FAT1: variants seen among roughly 807,000 people sequenced by gnomAD.
The protein encoded by FAT1 is FAT atypical cadherin 1.
FAT1 carries 171 observed loss-of-function variants against 329.8 expected under a neutral mutation model. The ratio of observed to expected loss-of-function variants is 0.52; its 90% CI spans 0.46 to 0.59. The LOEUF (loss-of-function observed/expected upper bound fraction) is 0.59, where lower values mean the gene tolerates loss of function less well. FAT1 is among the 20% of genes least tolerant of loss of function. FAT1 has a pLI of 0.00. For missense variants in FAT1, 5,672 were observed against 5,774.4 expected (o/e 0.98, Z 0.57); for synonymous variants, 2,233 against 2,228.6 (o/e 1.00, Z -0.06).
Position 186,611,756 on chromosome 4 carries a change from T to TA in FAT1, c.9482dup (p.Leu3161PhefsTer6). Reference sequence around the variant, plus strand: ...CATCAGCAGAGTCAATCAGTGAGTATAAAATCTTCCGATTTAATCCTATGA... The same window carrying TA: ...CATCAGCAGAGTCAATCAGTGAGTATAAAAATCTTCCGATTTAATCCTATGA... On this transcript the variant is annotated frameshift_variant, in exon 14 of 27. Transcript: ENST00000441802. LOFTEE classifies it high-confidence loss of function. 6.3e-7 allele frequency: 1 copy of TA among 1,575,090 alleles called. No homozygotes were observed. The highest frequency in any genetic ancestry group is 8.6e-7 in the Non-Finnish European group (1 of 1,159,412).
rs199836705 is a variant in FAT1 at position 186,707,190 on chromosome 4, C to T, written c.2638G>A (p.Ala880Thr). ...IDSVTGVVNIARPLDRELQHE... is the reference protein window; with the variant it reads ...IDSVTGVVNITRPLDRELQHE... Reference sequence around the variant, plus strand: ...TGCAGCTCTCGATCCAGAGGGCGTGCGATGTTAACAACACCCGTCACGCTG... The same window carrying T: ...TGCAGCTCTCGATCCAGAGGGCGTGTGATGTTAACAACACCCGTCACGCTG... The change falls in exon 2 of 27, where the codon GCA becomes ACA. Residue 880 changes from alanine (A) to threonine (T), a missense_variant. Transcript: ENST00000441802. The T allele has an allele frequency of 1.2e-4, 201 of 1,613,716 alleles. No individual in the cohort carries two copies. Among genetic ancestry groups the T allele is most frequent in the Middle Eastern group, 1.6e-4 (1 of 6,084 alleles).
At position 186,657,841 on chromosome 4, in the gene FAT1, C is replaced by G. The variant is rs1330654023; in HGVS notation, c.3580+5458G>C. ...CATATCAACTCCCCCAAGTTCAAAG[C>G]AATAACTTTAACTAAAAAGACTCTT... On this transcript the variant is annotated intron_variant, in intron 3 of 26. Transcript: ENST00000441802. Among the ~76,000 whole-genome samples the G allele has an allele frequency of 2.0e-5, 3 of 152,116 alleles. No individual in the cohort carries two copies. In the East Asian group the frequency reaches 5.8e-4, roughly 29 times the overall value.
intron 3 of FAT1, among the ~76,000 whole-genome samples, chr4:186,640,318 G>A (rs1298214409): frequency 6.6e-6 from 1 of 152,110 alleles, no homozygotes; most frequent in African/African-American, 2.4e-5. Context: ...CAAATAGTAA[G>A]AAAGTGGAAA....
chr4:186,608,845 G>A (rs192032903), intron 16 of FAT1, among the ~76,000 whole-genome samples: 14 of 152,116 alleles, frequency 9.2e-5, no homozygotes, highest in Admixed American at 6.5e-4. Context: ...GCAATTCCTC[G>A]CTGGAAATTC....
chr4:186,682,198 C>T (rs762136190), intron 2 of FAT1, among the ~76,000 whole-genome samples: 26 of 152,112 alleles, frequency 1.7e-4, no homozygotes, highest in Non-Finnish European at 3.2e-4. Context: ...AGATTTCTTT[C>T]AAAATATTAT....
intron 1 of FAT1, among the ~76,000 whole-genome samples, chr4:186,718,001 A>G (rs1250809279): frequency 6.6e-6 from 1 of 152,222 alleles, no homozygotes; most frequent in Non-Finnish European, 1.5e-5. Flanking sequence ...ATCTTGGCAG[A>G]GTAGCCAATA....
Position 186,588,395 on chromosome 4 carries a change from C to G in FAT1, c.*197G>C, listed in dbSNP as rs1278354928. 2 of 600,712 alleles carry G rather than the reference C, an allele frequency of 3.3e-6. No homozygotes were observed. Among genetic ancestry groups the G allele is most frequent in the African/African-American group, 3.7e-5 (2 of 54,258 alleles). 37.2% of individuals were successfully genotyped at this position (600,712 alleles called of 1,614,324 possible). A position where few individuals can be genotyped will look rare whatever the true frequency, so the allele number is the denominator to read the frequency against. On this transcript the variant is annotated 3_prime_UTR_variant, in exon 27 of 27. Transcript: ENST00000441802. ...TCCCAAAAGACGTTGGGAAATGGCA[C>G]AGCCGATGAAAACCTCACGATGACA...
intron 1 of FAT1, 97 bp from the exon 2 acceptor site, chr4:186,709,942 TACAC>T: frequency 2.6e-6 from 3 of 1,139,824 alleles, no homozygotes; most frequent in Non-Finnish European, 3.6e-6. Flanking sequence ...ATATTTTCCA[TACAC>T]ATGGAATATA....
chr4:186,617,177 G>C lies in FAT1; in HGVS notation c.8903C>G (p.Ala2968Gly), dbSNP rs1739754368. The change falls in exon 11 of 27, where the codon GCC becomes GGC. Residue 2968 changes from alanine (A) to glycine (G), a missense_variant. Ala to Gly is a moderately conservative substitution (Grantham distance 60). Transcript: ENST00000441802. ...ITGGDPLGQFAVETIQNEWKV... is the reference protein window; with the variant it reads ...ITGGDPLGQFGVETIQNEWKV... Reference sequence around the variant, plus strand: ...CCATTCATTCTGTATAGTTTCAACGGCAAACTGTCCTAAAGGATCCCCTCC... The same window carrying C: ...CCATTCATTCTGTATAGTTTCAACGCCAAACTGTCCTAAAGGATCCCCTCC... 2.5e-6 allele frequency: 4 copies of C among 1,607,598 alleles called. No homozygotes were observed. The Admixed American group carries it at 6.8e-5, about 27-fold the overall frequency.
chr4:186,678,961 T>C (rs1003016793), intron 2 of FAT1, among the ~76,000 whole-genome samples: 1 of 152,130 alleles, frequency 6.6e-6, no homozygotes, highest in Non-Finnish European at 1.5e-5. Flanking sequence ...CCATCAGTGA[T>C]AGACTAGATA....
At chr4:186,604,004 C>G (rs776663044) in intron 18 of FAT1, 27 bp from the exon 19 acceptor site, 1 of 1,549,542 alleles carries the variant, frequency 6.5e-7, no homozygotes, top group South Asian at 1.1e-5. Context: ...ATAAAATCAC[C>G]TTTGTCTATG....
chr4:186,652,758 A>C (rs1003391484), intron 3 of FAT1, among the ~76,000 whole-genome samples: 7 of 152,114 alleles, frequency 4.6e-5, no homozygotes, highest in African/African-American at 1.7e-4. Flanking sequence ...TTCCTATTGC[A>C]GTTTGTTCAG....
In FAT1 at chr4:186,599,948, G is replaced by A. The variant is rs1317684793; in HGVS notation, c.12053C>T (p.Ala4018Val). The A allele has an allele frequency of 6.2e-7, 1 of 1,613,888 alleles. No individual in the cohort carries two copies. The highest frequency in any genetic ancestry group is 8.5e-7 in the Non-Finnish European group (1 of 1,179,816). The change falls in exon 22 of 27, where the codon GCC (alanine) becomes GTC (valine). Residue 4018 changes from alanine to valine, a missense_variant. Coordinates refer to ENST00000441802, the MANE Select transcript of FAT1 (RefSeq NM_005245.4). ...GCCTCCATTCTGGCAAGGGTTGCTGGCGCAGTCTTCCGTGGCCGTCAGGAA... is the reference window on the plus strand; with the variant it reads ...GCCTCCATTCTGGCAAGGGTTGCTGACGCAGTCTTCCGTGGCCGTCAGGAA... ...GCFLTATEDCASNPCQNGGVC... is the reference protein window; with the variant it reads ...GCFLTATEDCVSNPCQNGGVC...
rs892758357 is a variant in FAT1, at chr4:186,613,247, C to G, written c.9325G>C (p.Ala3109Pro). The G allele has an allele frequency of 6.2e-7, 1 of 1,613,954 alleles. No homozygotes were observed. The highest frequency in any genetic ancestry group is 1.3e-5 in the African/African-American group (1 of 75,038). Residue 3109 changes from alanine (A) to proline (P), a missense_variant, in exon 13 of 27, where the codon GCC (alanine) becomes CCC (proline). Physicochemically the swap from Ala to Pro is conservative, Grantham distance 27. Transcript: ENST00000441802. ...TCTTCTAGCGTGAGCACAATACTGG[C>G]TTGGCAGAATCTTCCTCCTCCATCT... is the stretch of plus-strand genomic sequence containing the variant. ...ATDGGGRFCQASIVLTLEDVN... is the reference protein window; with the variant it reads ...ATDGGGRFCQPSIVLTLEDVN...
rs1478741621 is a variant in FAT1 at position 186,633,725 on chromosome 4, T to C, written c.4282A>G (p.Thr1428Ala). Residue 1428 changes from threonine (T) to alanine (A), a missense_variant, in exon 7 of 27, where the codon ACA becomes GCA. By Grantham distance (58) the Thr-to-Ala change is moderately conservative. This residue lies in a region of FAT1 where 3,966 missense variants were observed against 3,915.2 expected (regional missense o/e 1.01). Transcript: ENST00000441802. ...DAEQKSNYNLTVEATDGTTTI... is the reference protein window; with the variant it reads ...DAEQKSNYNLAVEATDGTTTI... ...GTGGTTCCATCTGTAGCCTCGACTG[T>C]GAGGTTGTAGTTTGACTTCTGTTCT... 6.2e-7 allele frequency: 1 copy of C among 1,613,642 alleles called. No individual in the cohort carries two copies. Among genetic ancestry groups the C allele is most frequent in the African/African-American group, 1.3e-5 (1 of 74,868 alleles).
chr4:186,663,443 G>A lies in FAT1; in HGVS notation c.3436C>T (p.Pro1146Ser), dbSNP rs2126617562. The change falls in exon 3 of 27, where the codon CCA becomes TCA. Residue 1146 changes from proline to serine, a missense_variant. By Grantham distance (74) the Pro-to-Ser change is moderately conservative (BLOSUM62 -1). Transcript: ENST00000441802. ...TTAGGAGAATTTTCCATGATTTCTG[G>A]GTAATAAACAGGCTCTGATGTCTGT... ...APQTSEPVYY[P>S]EIMENSPKDV... 2 of 1,613,968 alleles carry A rather than the reference G, an allele frequency of 1.2e-6. No individual in the cohort carries two copies. Among genetic ancestry groups the A allele is most frequent in the Non-Finnish European group, 1.7e-6 (2 of 1,179,902 alleles).
At chr4:186,631,660 C>G (rs1251130350) in intron 7 of FAT1, among the ~76,000 whole-genome samples, 1 of 134,274 alleles carries the variant, frequency 7.4e-6, no homozygotes, top group African/African-American at 2.9e-5. Context: ...GTATCCTAGT[C>G]TCTCGCCGCC....
rs375279028 is a variant in FAT1, at chr4:186,638,997, T to C, written c.3642+725A>G. On this transcript the variant is annotated intron_variant, in intron 4 of 26. Coordinates refer to ENST00000441802, the MANE Select transcript of FAT1 (RefSeq NM_005245.4). ...CATCAACCTGATGTCCATGTTACGC[T>C]CCACCTTCCCTCTCCAAATTACTCG... Among the ~76,000 whole-genome samples the C allele has an allele frequency of 3.5e-4, 53 of 152,232 alleles. 2 individuals carry two copies. In the East Asian group the frequency reaches 9.9e-3, roughly 28 times the overall value.
intron 1 of FAT1, among the ~76,000 whole-genome samples, chr4:186,723,154 G>C (rs992239605): frequency 2.6e-5 from 4 of 152,252 alleles, no homozygotes; most frequent in African/African-American, 9.6e-5. Flanking sequence ...ACATTGTGCA[G>C]ATGTTCAGCC....
Sources: gnomAD v4.1 joint callset for allele counts (sites outside exome capture counted in the v4.1 genomes callset) on GRCh38, gnomAD v4.1.1 for gene constraint, gnomAD v4.1.1 regional missense constraint, MANE v1.5 for transcripts, NCBI Gene and HGNC (gene_info 2026-07-23, HGNC 2026-07-21) for gene names.